IL1RAPL1: variants seen among roughly 807,000 people sequenced by gnomAD.
IL1RAPL1 encodes interleukin-1 receptor accessory protein-like 1.
A neutral mutation model predicts 48.4 loss-of-function variants in IL1RAPL1; 3 were observed. That is an observed-to-expected ratio of 0.06 (90% CI 0.03 to 0.16). The LOEUF (loss-of-function observed/expected upper bound fraction) is 0.16. Ranked by LOEUF, IL1RAPL1 falls within the 10% of genes least tolerant of loss-of-function variation. IL1RAPL1 has a pLI of 1.00. For synonymous variants in IL1RAPL1, 185 were observed against 187.7 expected, an observed-to-expected ratio of 0.99 and a Z score of 0.12; for missense variants, 349 against 530.6, an observed-to-expected ratio of 0.66 and a Z score of 3.36.
chrX:28,708,105 T>A (rs894652968), intron 1 of IL1RAPL1, among the ~76,000 whole-genome samples: 1 of 111,557 alleles, frequency 9.0e-6, no homozygotes, highest in African/African-American at 3.3e-5. Flanking sequence ...ATGGAAACAT[T>A]TGGCAACATT....
chrX:28,691,065 A>T (rs1935172806), intron 1 of IL1RAPL1, among the ~76,000 whole-genome samples: 1 of 111,417 alleles, frequency 9.0e-6, no homozygotes, highest in Non-Finnish European at 1.9e-5. Flanking sequence ...GAAGGTCGTG[A>T]CCTTCAGTGG....
chrX:29,351,395 G>A (rs2147652996), intron 3 of IL1RAPL1, among the ~76,000 whole-genome samples: 1 of 111,564 alleles, frequency 9.0e-6, no homozygotes, highest in African/African-American at 3.3e-5. Flanking sequence ...TGTTATATGA[G>A]GCTATTAATG....
chrX:28,938,464 G>A (rs747528282), intron 2 of IL1RAPL1, among the ~76,000 whole-genome samples: 1 of 54,799 alleles, frequency 1.8e-5, no homozygotes, highest in African/African-American at 1.4e-4. Flanking sequence ...TAACTGGCTA[G>A]CCACATCCAG....
intron 6 of IL1RAPL1, among the ~76,000 whole-genome samples, chrX:29,866,684 T>C (rs747743225): frequency 6.6e-5 from 7 of 105,838 alleles, no homozygotes; most frequent in Admixed American, 4.2e-4. Flanking sequence ...GCATATTTGG[T>C]AGACAAACCT....
intron 2 of IL1RAPL1, among the ~76,000 whole-genome samples, chrX:28,911,181 T>G: frequency 8.9e-6 from 1 of 111,931 alleles, no homozygotes; most frequent in Middle Eastern, 4.6e-3. Context: ...TTTTTTATTT[T>G]AGTACAGTAA....
rs201133398 is a variant in IL1RAPL1 at position 29,348,200 on chromosome X, T to G, written c.363-48058T>G. ...TGGTATAAAGTATTATAAATTAGAG[T>G]AATCACTCTTGTAAAGATGTCTTAG... On this transcript the variant is annotated intron_variant, in intron 3 of 10. Coordinates refer to ENST00000378993, the MANE Select transcript of IL1RAPL1 (RefSeq NM_014271.4). Among the ~76,000 whole-genome samples, 4 of 111,705 alleles carry G rather than the reference T, an allele frequency of 3.6e-5. No individual in the cohort carries two copies. In the East Asian group the frequency reaches 1.1e-3, roughly 31 times the overall value.
intron 5 of IL1RAPL1, among the ~76,000 whole-genome samples, chrX:29,641,918 A>G (rs1016822243): frequency 7.1e-5 from 8 of 112,259 alleles, no homozygotes; most frequent in Non-Finnish European, 1.3e-4. Context: ...CTGGAAACTG[A>G]GATTGTGAAA....
intron 2 of IL1RAPL1, among the ~76,000 whole-genome samples, chrX:28,815,859 A>G (rs1451459744): frequency 9.0e-4 from 63 of 69,668 alleles, no homozygotes; most frequent in African/African-American, 2.7e-3. Context: ...ATATATATAT[A>G]TATATATATA....
chrX:28,598,722 G>A (rs1933984855), intron 1 of IL1RAPL1, among the ~76,000 whole-genome samples: 1 of 105,462 alleles, frequency 9.5e-6, no homozygotes, highest in Non-Finnish European at 1.9e-5. Flanking sequence ...TCTGCCTCCC[G>A]GGTTCAAGCA....
At chrX:29,393,884 C>A (rs774272699) in intron 3 of IL1RAPL1, among the ~76,000 whole-genome samples, 2 of 110,661 alleles carry the variant, frequency 1.8e-5, no homozygotes, top group Non-Finnish European at 3.8e-5. Context: ...AGAGCATGCT[C>A]CAGTCAGCCC....
At chrX:29,821,473 T>TAAAAA (rs1657520985) in intron 6 of IL1RAPL1, among the ~76,000 whole-genome samples, 1 of 109,992 alleles carries the variant, frequency 9.1e-6, no homozygotes, top group Non-Finnish European at 1.9e-5. Context: ...AAAATAAAAA[T>TAAAAA]AAAATAAAAC....
intron 2 of IL1RAPL1, among the ~76,000 whole-genome samples, chrX:29,127,553 G>A (rs930419068): frequency 8.9e-6 from 1 of 111,947 alleles, no homozygotes; most frequent in African/African-American, 3.3e-5. Context: ...TCATCCACAC[G>A]TGTGGCTACT....
intron 8 of IL1RAPL1, among the ~76,000 whole-genome samples, chrX:29,936,876 A>T (rs150480250): frequency 9.0e-6 from 1 of 111,655 alleles, no homozygotes; most frequent in Non-Finnish European, 1.9e-5. Flanking sequence ...GATAAGAAAA[A>T]ATTGTAGTCA....
intron 6 of IL1RAPL1, among the ~76,000 whole-genome samples, chrX:29,811,120 A>G (rs1360715545): frequency 9.1e-6 from 1 of 110,451 alleles, no homozygotes; most frequent in East Asian, 2.9e-4. Context: ...AGTCTAACGT[A>G]TAGTGACAAA....
Position 29,402,852 on chromosome X carries a change from A to AT in IL1RAPL1, c.703+3549dup, listed in dbSNP as rs749364917. Reference sequence around the variant, plus strand: ...TTTTGTCGAATGTCCTATATTTGGGATTTTTCTGAGATTTTTTCATGATTA... The same window carrying AT: ...TTTTGTCGAATGTCCTATATTTGGGATTTTTTCTGAGATTTTTTCATGATTA... On this transcript the variant is annotated intron_variant, in intron 5 of 10. Transcript: ENST00000378993. 4.4e-3 allele frequency among the ~76,000 whole-genome samples: 482 copies of AT among 108,760 alleles called. 5 individuals carry two copies. The highest frequency in any genetic ancestry group is 0.016 in the African/African-American group (466 of 29,687). 94.4% of individuals were successfully genotyped at this position (108,760 alleles called of 115,157 possible). A position where few individuals can be genotyped will look rare whatever the true frequency, so the allele number is the denominator to read the frequency against.
intron 6 of IL1RAPL1, among the ~76,000 whole-genome samples, chrX:29,769,437 T>TTTTTTTTG (rs1928997496): frequency 5.5e-5 from 3 of 54,495 alleles, no homozygotes; most frequent in African/African-American, 2.3e-4. Context: ...GTTTTTTTTT[T>TTTTTTTTG]TTTTTTTTTT....
chrX:29,695,920 A>C (rs1485937071), intron 6 of IL1RAPL1, among the ~76,000 whole-genome samples: 25 of 111,747 alleles, frequency 2.2e-4, no homozygotes, highest in Non-Finnish European at 3.4e-4. Flanking sequence ...TTTTAATGGA[A>C]AACTTCAGAA....
intron 5 of IL1RAPL1, among the ~76,000 whole-genome samples, chrX:29,549,547 T>C (rs184351042): frequency 8.9e-6 from 1 of 112,196 alleles, no homozygotes; most frequent in East Asian, 2.8e-4. Context: ...TAGGCTTCAA[T>C]ACTGTCTGCA....
At chrX:29,748,250 T>C (rs1482938844) in intron 6 of IL1RAPL1, among the ~76,000 whole-genome samples, 2 of 112,153 alleles carry the variant, frequency 1.8e-5, no homozygotes, top group Non-Finnish European at 3.8e-5. Flanking sequence ...GGACAGATCA[T>C]TCAAAAAGCA....
Sources: allele counts gnomAD v4.1 joint callset (sites outside exome capture counted in the v4.1 genomes callset), GRCh38; gene constraint gnomAD v4.1.1; transcripts MANE v1.5; gene names NCBI Gene and HGNC (gene_info 2026-07-23, HGNC 2026-07-21).